The following TPR variants were observed in gnomAD, a reference collection of about 807,000 sequenced individuals.
TPR encodes nucleoprotein TPR.
In TPR, 51 loss-of-function variants were observed where a neutral mutation model predicts 316.1. That is an observed-to-expected ratio of 0.16 (90% CI 0.13 to 0.20). The LOEUF (loss-of-function observed/expected upper bound fraction) is 0.20. Ranked by LOEUF, TPR falls within the 10% of genes least tolerant of loss-of-function variation. TPR has a pLI of 1.00. For missense variants in TPR, 2,272 were observed against 2,754.8 expected (o/e 0.82, Z 3.92); for synonymous variants, 981 against 914.7 (o/e 1.07, Z -1.31).
At position 186,367,961 on chromosome 1, in the gene TPR, C is replaced by T; in HGVS notation, c.352G>A (p.Glu118Lys). ...TCTCTTTTCTCAGCTTCTAATTCTTCCTTTGTTCTTGTAAATTGGCTCTGT... is the reference window on the plus strand; with the variant it reads ...TCTCTTTTCTCAGCTTCTAATTCTTTCTTTGTTCTTGTAAATTGGCTCTGT... Reference protein sequence around the residue: ...AIQSQFTRTKEELEAEKRDLI... With the variant: ...AIQSQFTRTKKELEAEKRDLI... The change falls in exon 4 of 51, where the codon GAA becomes AAA. Residue 118 changes from glutamate to lysine, a missense_variant. This residue lies in a region of TPR where 549 missense variants were observed against 598.6 expected (regional missense o/e 0.92). Coordinates refer to ENST00000367478, the MANE Select transcript of TPR (RefSeq NM_003292.3). 6.2e-7 allele frequency: 1 copy of T among 1,610,346 alleles called. No homozygotes were observed. Among genetic ancestry groups the T allele is most frequent in the South Asian group, 1.1e-5 (1 of 91,034 alleles).
intron 46 of TPR, among the ~76,000 whole-genome samples, chr1:186,319,161 T>C (rs1657698205): frequency 6.6e-6 from 1 of 152,014 alleles, no homozygotes; most frequent in Non-Finnish European, 1.5e-5. Context: ...TATTTTTCAT[T>C]TTTGTAGAGA....
intron 30 of TPR, among the ~76,000 whole-genome samples, chr1:186,338,788 G>C (rs1658414398): frequency 6.6e-6 from 1 of 152,132 alleles, no homozygotes. Flanking sequence ...AACTGAACTT[G>C]AAATCAGATG....
chr1:186,349,723 G>A (rs16825224), intron 21 of TPR, among the ~76,000 whole-genome samples: 1 of 151,434 alleles, frequency 6.6e-6, no homozygotes, highest in Non-Finnish European at 1.5e-5. Flanking sequence ...AGACACAAAG[G>A]CTTCGAACTT....
At chr1:186,361,030 G>A (rs368494249) in intron 9 of TPR, 125 bp from the exon 10 acceptor site, 10 of 996,366 alleles carry the variant, frequency 1.0e-5, no homozygotes, top group East Asian at 8.0e-5. Flanking sequence ...GGCTTCAGCT[G>A]ACAGTATCTA....
At chr1:186,323,509 C>A (rs1225144125) in intron 43 of TPR, among the ~76,000 whole-genome samples, 177 bp downstream of exon 43, 1 of 152,000 alleles carries the variant, frequency 6.6e-6, no homozygotes. Context: ...TTCTAAACAT[C>A]CCTCAGAGAT....
Position 186,326,173 on chromosome 1 carries a change from C to T in TPR, c.5952G>A (p.Glu1984=). The T allele has an allele frequency of 6.2e-7, 1 of 1,611,068 alleles. No individual in the cohort carries two copies. Among genetic ancestry groups the T allele is most frequent in the Admixed American group, 1.7e-5 (1 of 59,926 alleles). The change falls in exon 41 of 51, where the codon GAG becomes GAA. Residue 1984 remains glutamate (E), a synonymous_variant. Transcript: ENST00000367478. ...CAGTTCCTTCATTACTATCTTCACC[C>T]TCATCTCCCATCCCTGTGTCATCTT... ...DDEDDTGMGD[E]GEDSNEGTGS...
chr1:186,372,251 A>G (rs1201917393), intron 2 of TPR, among the ~76,000 whole-genome samples: 1 of 152,212 alleles, frequency 6.6e-6, no homozygotes, highest in Non-Finnish European at 1.5e-5. Flanking sequence ...AACTATATTA[A>G]GTATCAATTA....
At chr1:186,354,980 C>G (rs80094163) in intron 17 of TPR, among the ~76,000 whole-genome samples, 1 of 152,000 alleles carries the variant, frequency 6.6e-6, no homozygotes, top group East Asian at 1.9e-4. Flanking sequence ...CTTGGCTCAC[C>G]GCAACCACTG....
intron 34 of TPR, 22 bp downstream of exon 34, chr1:186,335,316 T>G (rs1658305993): frequency 3.7e-6 from 6 of 1,609,308 alleles, no homozygotes; most frequent in South Asian, 1.1e-5. Flanking sequence ...AATTTGTTAC[T>G]TAAGCAGAAT....
intron 42 of TPR, among the ~76,000 whole-genome samples, chr1:186,324,925 T>C (rs1314561441): frequency 1.3e-5 from 2 of 152,194 alleles, no homozygotes; most frequent in Admixed American, 6.6e-5. Flanking sequence ...TGTTTATAAA[T>C]GTAAATTTTT....
At chr1:186,359,774 G>A in intron 12 of TPR, 25 bp downstream of exon 12, 2 of 1,566,718 alleles carry the variant, frequency 1.3e-6, no homozygotes, top group African/African-American at 1.4e-5. Flanking sequence ...TGTTACCACG[G>A]CTAAATTTTA....
intron 9 of TPR, 40 bp downstream of exon 9, chr1:186,361,582 C>T: frequency 3.2e-6 from 5 of 1,556,196 alleles, no homozygotes; most frequent in Non-Finnish European, 4.4e-6. Flanking sequence ...AAAAAGAGTA[C>T]AATAACAAAA....
intron 7 of TPR, 22 bp from the exon 8 acceptor site, chr1:186,361,891 T>C (rs767047047): frequency 1.9e-6 from 3 of 1,608,674 alleles, no homozygotes; most frequent in East Asian, 2.2e-5. Context: ...AGCCCAATTA[T>C]AGCAGTCTAC....
chr1:186,327,281 T>TAAATATATAATATATATATATATATATA (rs367713921), intron 40 of TPR, among the ~76,000 whole-genome samples, 179 bp downstream of exon 40: 1 of 4,476 alleles, frequency 2.2e-4, no homozygotes, highest in Non-Finnish European at 3.3e-4. Context: ...TATTTATATA[T>TAAATATATAATATATATATATATATATA]AATATATATA....
chr1:186,327,234 AT>A (rs1233124933), intron 40 of TPR, among the ~76,000 whole-genome samples: 1 of 29,104 alleles, frequency 3.4e-5, no homozygotes, highest in African/African-American at 1.5e-4. Context: ...TATAATATAT[AT>A]TTATATATAT....
rs750447760 is a variant in TPR at position 186,362,889 on chromosome 1, T to C, written c.644A>G (p.Lys215Arg). The C allele has an allele frequency of 2.5e-6, 4 of 1,610,502 alleles. No homozygotes were observed. Among genetic ancestry groups the C allele is most frequent in the Admixed American group, 1.7e-5 (1 of 59,222 alleles). The part of the protein sequence containing the change: ...TDELLALGRE[K>R]GNEILELKCN... Reference sequence around the variant, plus strand: ...TTTAAGCTCTAGAATCTCATTCCCTTTTTCTCTTCCAAGAGCCAGAAGTTC... The same window carrying C: ...TTTAAGCTCTAGAATCTCATTCCCTCTTTCTCTTCCAAGAGCCAGAAGTTC... Residue 215 changes from lysine to arginine, a missense_variant, in exon 6 of 51, where the codon AAA (lysine) becomes AGA (arginine). Lys to Arg is a conservative substitution (Grantham distance 26, BLOSUM62 2). Coordinates refer to ENST00000367478, the MANE Select transcript of TPR (RefSeq NM_003292.3).
chr1:186,347,199 A>G (rs1204943906), intron 22 of TPR, 93 bp downstream of exon 22: 1 of 1,378,788 alleles, frequency 7.3e-7, no homozygotes, highest in East Asian at 2.3e-5. Flanking sequence ...GGTCTAATTC[A>G]TACGAGTGCC....
chr1:186,317,783 GT>G (rs982655211), intron 48 of TPR, among the ~76,000 whole-genome samples, 183 bp from the exon 49 acceptor site: 4 of 152,068 alleles, frequency 2.6e-5, no homozygotes, highest in Admixed American at 2.6e-4. Flanking sequence ...AGCTCAAATT[GT>G]TTTTTCCTCA....
At position 186,355,001 on chromosome 1, in the gene TPR, T is replaced by G. The variant is rs1191518783; in HGVS notation, c.2171+409A>C. Among the ~76,000 whole-genome samples, 17 of 152,270 alleles carry G rather than the reference T, an allele frequency of 1.1e-4. No individual in the cohort carries two copies. The South Asian group carries it at 3.1e-3, about 28-fold the overall frequency. Reference sequence around the variant, plus strand: ...TCACCGCAACCACTGCCTCCTGGGCTCAAGTGATTCTCCTGCCTTAGCCTC... The same window carrying G: ...TCACCGCAACCACTGCCTCCTGGGCGCAAGTGATTCTCCTGCCTTAGCCTC... On this transcript the variant is annotated intron_variant, in intron 17 of 50. Coordinates refer to ENST00000367478, the MANE Select transcript of TPR (RefSeq NM_003292.3).
Sources: gnomAD v4.1 joint callset for allele counts (sites outside exome capture counted in the v4.1 genomes callset) on GRCh38, gnomAD v4.1.1 for gene constraint, gnomAD v4.1.1 regional missense constraint, MANE v1.5 for transcripts, NCBI Gene and HGNC (gene_info 2026-07-23, HGNC 2026-07-21) for gene names.